The following LRP6 variants were observed in gnomAD, a reference collection of about 807,000 sequenced individuals.
LRP6 encodes the protein low-density lipoprotein receptor-related protein 6.
In LRP6, 43 loss-of-function variants were observed where a neutral mutation model predicts 184.1. The observed-to-expected ratio is 0.23, with a 90% CI of 0.18 to 0.30. The LOEUF (loss-of-function observed/expected upper bound fraction) is 0.30. Ranked by LOEUF, LRP6 falls within the 10% of genes least tolerant of loss-of-function variation. The pLI, the probability that LRP6 is intolerant of heterozygous loss-of-function variation, is 1.00. For missense variants in LRP6, 1,571 were observed against 2,005.3 expected (o/e 0.78, Z 4.14); for synonymous variants, 719 against 684.9 (o/e 1.05, Z -0.78).
rs199693693 is a variant in LRP6, at chr12:12,244,465, T to A, written c.246A>T (p.Lys82Asn). Reference sequence around the variant, plus strand: ...CAACAACATTCTGCACACTCTCAGTTTTGTTAAATTCTGTTCGTTTAATGG... The same window carrying A: ...CAACAACATTCTGCACACTCTCAGTATTGTTAAATTCTGTTCGTTTAATGG... Reference protein sequence around the residue: ...EEAIKRTEFNKTESVQNVVVS... With the variant: ...EEAIKRTEFNNTESVQNVVVS... The change falls in exon 2 of 23, where the codon AAA (lysine) becomes AAT (asparagine). Residue 82 changes from lysine to asparagine, a missense_variant. This residue lies in a region of LRP6 where 640 missense variants were observed against 851.9 expected (regional missense o/e 0.75). Transcript: ENST00000261349. The A allele has an allele frequency of 8.4e-5, 136 of 1,614,170 alleles. 3 individuals are homozygous for A. In the East Asian group the frequency reaches 2.3e-3, roughly 27 times the overall value.
chr12:12,208,935 C>A (rs1247380849), intron 2 of LRP6, among the ~76,000 whole-genome samples: 1 of 152,116 alleles, frequency 6.6e-6, no homozygotes, highest in Non-Finnish European at 1.5e-5. Flanking sequence ...CAGTTAAAAA[C>A]AAGTCCACAG....
At chr12:12,238,160 T>C (rs1465324284) in intron 2 of LRP6, among the ~76,000 whole-genome samples, 7 of 151,036 alleles carry the variant, frequency 4.6e-5, no homozygotes, top group Admixed American at 6.6e-5. Flanking sequence ...TCAATTAACA[T>C]GTTAAACTGC....
chr12:12,138,605 G>A, intron 15 of LRP6, 71 bp from the exon 16 acceptor site: 1 of 1,386,228 alleles, frequency 7.2e-7, no homozygotes, highest in Non-Finnish European at 1.0e-6. Flanking sequence ...ATTATTTACT[G>A]ACTACCAGTT....
At chr12:12,172,824 A>C (rs1430168586) in intron 7 of LRP6, among the ~76,000 whole-genome samples, 9 of 152,232 alleles carry the variant, frequency 5.9e-5, no homozygotes, top group Non-Finnish European at 1.2e-4. Context: ...AAGTATAAAG[A>C]AATGCTTTGG....
At position 12,181,131 on chromosome 12, in the gene LRP6, C is replaced by A. The variant is rs763341998; in HGVS notation, c.1285G>T (p.Val429Leu). Reference protein sequence around the residue: ...WTDTGTDRIEVTRLNGTMRKI... With the variant: ...WTDTGTDRIELTRLNGTMRKI... The stretch of plus-strand genomic sequence containing the variant: ...CTCATGGTCCCATTGAGCCTTGTCA[C>A]TTCTATTCGATCAGTGCCAGTGTCT... The change falls in exon 6 of 23, where the codon GTG becomes TTG. Residue 429 changes from valine (V) to leucine (L), a missense_variant. By Grantham distance (32) the Val-to-Leu change is conservative (BLOSUM62 1). Transcript: ENST00000261349. The A allele has an allele frequency of 1.2e-6, 2 of 1,614,118 alleles. No individual in the cohort carries two copies. Among genetic ancestry groups the A allele is most frequent in the Admixed American group, 3.3e-5 (2 of 60,022 alleles).
intron 2 of LRP6, among the ~76,000 whole-genome samples, chr12:12,227,634 C>A (rs1344573266): frequency 6.6e-6 from 1 of 152,084 alleles, no homozygotes; most frequent in Admixed American, 6.5e-5. Flanking sequence ...GTCTCGAACT[C>A]CTGACCTCAG....
chr12:12,128,247 A>G (rs1216539966), intron 19 of LRP6, among the ~76,000 whole-genome samples: 1 of 152,194 alleles, frequency 6.6e-6, no homozygotes, highest in Non-Finnish European at 1.5e-5. Flanking sequence ...AAGTCTGATC[A>G]ATATTCTTCC....
At chr12:12,212,290 T>C (rs1013791405) in intron 2 of LRP6, among the ~76,000 whole-genome samples, 4 of 152,346 alleles carry the variant, frequency 2.6e-5, no homozygotes, top group African/African-American at 4.8e-5. Flanking sequence ...ATCTGTCTTA[T>C]TACCAAGGCC....
chr12:12,257,634 AAAGAAAG>A (rs1366806259), intron 1 of LRP6, among the ~76,000 whole-genome samples: 2 of 150,268 alleles, frequency 1.3e-5, no homozygotes, highest in Admixed American at 1.3e-4. Flanking sequence ...GAAAAAAAAA[AAAGAAAG>A]AAAGAAAAAA....
At chr12:12,264,422 A>C (rs1442323600) in intron 1 of LRP6, among the ~76,000 whole-genome samples, 5 of 152,198 alleles carry the variant, frequency 3.3e-5, no homozygotes, top group Non-Finnish European at 5.9e-5. Flanking sequence ...TTTAGTATTG[A>C]AATTCCCAAA....
chr12:12,216,370 A>G (rs1864343521), intron 2 of LRP6, among the ~76,000 whole-genome samples: 1 of 151,608 alleles, frequency 6.6e-6, no homozygotes, highest in Admixed American at 6.6e-5. Flanking sequence ...TTAAAAAATG[A>G]TAATAATATA....
chr12:12,158,757 A>C, intron 12 of LRP6, 72 bp downstream of exon 12: 1 of 1,457,112 alleles, frequency 6.9e-7, no homozygotes, highest in Non-Finnish European at 9.6e-7. Flanking sequence ...TTTAGAAAAA[A>C]CACACACTAA....
At chr12:12,153,810 G>A (rs1944798467) in intron 12 of LRP6, among the ~76,000 whole-genome samples, 1 of 152,186 alleles carries the variant, frequency 6.6e-6, no homozygotes, top group Admixed American at 6.5e-5. Context: ...AGAAGCTGGA[G>A]GATGAGATGT....
At chr12:12,167,301 A>G (rs150881899) in intron 7 of LRP6, among the ~76,000 whole-genome samples, 1 of 152,298 alleles carries the variant, frequency 6.6e-6, no homozygotes, top group East Asian at 1.9e-4. Flanking sequence ...TATTTCAAAT[A>G]TAAGCTTTAT....
intron 2 of LRP6, among the ~76,000 whole-genome samples, chr12:12,224,988 T>G (rs1195051070): frequency 1.3e-5 from 2 of 152,196 alleles, no homozygotes; most frequent in Non-Finnish European, 2.9e-5. Context: ...GCGGATCACC[T>G]GAGGTCGGGA....
At chr12:12,192,737 T>C (rs1863650085) in intron 3 of LRP6, among the ~76,000 whole-genome samples, 1 of 151,760 alleles carries the variant, frequency 6.6e-6, no homozygotes, top group African/African-American at 2.4e-5. Context: ...CCAGAACAAA[T>C]GAAGCAAAAC....
At chr12:12,169,046 T>C (rs1862960321) in intron 7 of LRP6, among the ~76,000 whole-genome samples, 1 of 152,006 alleles carries the variant, frequency 6.6e-6, no homozygotes, top group South Asian at 2.1e-4. Flanking sequence ...CTGACAAACA[T>C]GGTGAAACCC....
intron 3 of LRP6, among the ~76,000 whole-genome samples, chr12:12,194,489 C>A (rs1863702387): frequency 6.6e-6 from 1 of 152,086 alleles, no homozygotes. Context: ...TAGTCACTTT[C>A]TTGCCTTTAT....
chr12:12,186,587 C>A (rs1292166905), intron 4 of LRP6, among the ~76,000 whole-genome samples: 6 of 151,598 alleles, frequency 4.0e-5, no homozygotes, highest in African/African-American at 1.5e-4. Flanking sequence ...ACCAGGTTGG[C>A]CAGGCTGGTC....
Sources: allele counts gnomAD v4.1 joint callset (sites outside exome capture counted in the v4.1 genomes callset), GRCh38; gene constraint gnomAD v4.1.1; regional missense constraint gnomAD v4.1.1; transcripts MANE v1.5; gene names NCBI Gene and HGNC (gene_info 2026-07-23, HGNC 2026-07-21).